LDLRAD4: variants seen among roughly 807,000 people sequenced by gnomAD.
The protein encoded by LDLRAD4 is low-density lipoprotein receptor class A domain-containing protein 4.
In LDLRAD4, 5 loss-of-function variants were observed where a neutral mutation model predicts 17.0. The ratio of observed to expected loss-of-function variants is 0.29; its 90% CI spans 0.15 to 0.62. The LOEUF (loss-of-function observed/expected upper bound fraction) is 0.62, where lower values mean the gene tolerates loss of function less well. LDLRAD4 is among the 20% of genes least tolerant of loss of function. The pLI is 0.84. For synonymous variants in LDLRAD4, 168 were observed against 171.8 expected, an observed-to-expected ratio of 0.98 and a Z score of 0.17; for missense variants, 340 against 424.7, an observed-to-expected ratio of 0.80 and a Z score of 1.75.
upstream of LDLRAD4, chr18:13,217,971 C>A (rs2041249070): frequency 1.3e-5 from 2 of 149,834 alleles, no homozygotes; most frequent in South Asian, 2.0e-4. The surrounding 1 kb of genome is among the most constrained non-coding windows in gnomAD (Gnocchi z 4.9). Flanking sequence ...CCGCGCTCCC[C>A]GCCGGCCCGC....
chr18:13,420,896 C>T (rs1279987819), intron 2 of LDLRAD4: 1 of 152,240 alleles, frequency 6.6e-6, no homozygotes, highest in Non-Finnish European at 1.5e-5. Context: ...CATCTCAGTG[C>T]ACAGGGAGCC....
exon 2 of LDLRAD4, chr18:13,387,526 CCG>C: frequency 1.9e-6 from 1 of 537,236 alleles, no homozygotes; most frequent in African/African-American, 2.0e-5. Context: ...GCAGGGACCG[CCG>C]CCGCCCAGGT....
rs112208622 is a variant in LDLRAD4, at chr18:13,621,561, C to T, written c.336+290C>T. ...GCTTTGCCAGCTTCTGAGCTGTGCA[C>T]GAACGGGACCGGCCCTGGGTGGTCC... On this transcript the variant is annotated intron_variant, in intron 4 of 5. Transcript: ENST00000359446. The surrounding 1 kb of genome is among the most constrained non-coding windows in gnomAD (Gnocchi z 5.5). Among the ~76,000 whole-genome samples the T allele has an allele frequency of 7.0e-3, 1,069 of 152,340 alleles. 6 individuals carry two copies. The highest frequency in any genetic ancestry group is 0.016 in the African/African-American group (651 of 41,574).
At chr18:13,627,035 C>T (rs901813090) in intron 4 of LDLRAD4, among the ~76,000 whole-genome samples, 1 of 152,116 alleles carries the variant, frequency 6.6e-6, no homozygotes, top group Non-Finnish European at 1.5e-5. Context: ...TTTGGGAGGC[C>T]GAGGTGGGCA....
At chr18:13,580,600 T>C (rs2094842634) in intron 3 of LDLRAD4, among the ~76,000 whole-genome samples, 2 of 152,156 alleles carry the variant, frequency 1.3e-5, no homozygotes, top group Admixed American at 6.5e-5. Flanking sequence ...GTGCAGGCGA[T>C]GGCACGGTGG....
chr18:13,233,401 G>T (rs1427445899), intron 1 of LDLRAD4, among the ~76,000 whole-genome samples: 1 of 152,166 alleles, frequency 6.6e-6, no homozygotes, highest in Non-Finnish European at 1.5e-5. Context: ...TAAGAGGCGG[G>T]ACAGCTGTGT....
In LDLRAD4 at chr18:13,246,597, G is replaced by A. The variant is rs2042967004; in HGVS notation, c.-467+27609G>A. ...GCCCCTAAGGGGTGGCTGGCCAGCT[G>A]TCATGGCTGCAGTCGGTATTGGAGT... On this transcript the variant is annotated intron_variant, in intron 1 of 5. Transcript: ENST00000399848. Among the ~76,000 whole-genome samples, 4 of 152,376 alleles carry A rather than the reference G, an allele frequency of 2.6e-5. No individual in the cohort carries two copies. In the South Asian group the frequency reaches 8.3e-4, roughly 32 times the overall value.
At position 13,311,589 on chromosome 18, in the gene LDLRAD4, G is replaced by C. The variant is rs866053767; in HGVS notation, c.-383+33401G>C. On this transcript the variant is annotated intron_variant, in intron 1 of 5. Coordinates refer to ENST00000359446, the Ensembl canonical transcript of LDLRAD4. The stretch of plus-strand genomic sequence containing the variant: ...TCGCCATGTTCTCAGGGGATATTTC[G>C]TAGAGGTCTTTAAATGCTAAAGCAT... Among the ~76,000 whole-genome samples, 4 of 152,290 alleles carry C rather than the reference G, an allele frequency of 2.6e-5. No individual in the cohort carries two copies. In the South Asian group the frequency reaches 8.3e-4, roughly 32 times the overall value.
intron 1 of LDLRAD4, among the ~76,000 whole-genome samples, chr18:13,259,125 G>A (rs2043665689): frequency 6.6e-6 from 1 of 152,212 alleles, no homozygotes; most frequent in East Asian, 1.9e-4. Context: ...GACTTCCTAA[G>A]TGAAAGGGGA....
intron 3 of LDLRAD4, chr18:13,612,214 G>C (rs2039637572): frequency 1.0e-5 from 10 of 989,696 alleles, no homozygotes; most frequent in Non-Finnish European, 1.2e-5. Context: ...AGTGTGACAA[G>C]ATGAGCCGTC....
At chr18:13,593,476 CT>C (rs2095053403) in intron 3 of LDLRAD4, among the ~76,000 whole-genome samples, 1 of 152,188 alleles carries the variant, frequency 6.6e-6, no homozygotes, top group Non-Finnish European at 1.5e-5. Flanking sequence ...CAGTCTGAAC[CT>C]AGGAGTGTTT....
chr18:13,256,070 T>A (rs925116584), intron 1 of LDLRAD4, among the ~76,000 whole-genome samples: 2 of 152,232 alleles, frequency 1.3e-5, no homozygotes, highest in African/African-American at 4.8e-5. Flanking sequence ...TGTCCAGAAA[T>A]CAAACTAAGT....
chr18:13,384,342 T>A (rs571010602), intron 1 of LDLRAD4, among the ~76,000 whole-genome samples: 1 of 152,370 alleles, frequency 6.6e-6, no homozygotes, highest in South Asian at 2.1e-4. Context: ...TTGGTATATG[T>A]ATGCATGGTA....
rs1016951385 is a variant in LDLRAD4 at position 13,354,006 on chromosome 18, T to G, written c.-382-33335T>G. Among the ~76,000 whole-genome samples, 6 of 152,350 alleles carry G rather than the reference T, an allele frequency of 3.9e-5. No homozygotes were observed. The South Asian group carries it at 1.2e-3, about 32-fold the overall frequency. ...CTGCTCCAGATAATATTCTTTTTTT[T>G]TCCTAGTTAATACAACAGTGATTTA... On this transcript the variant is annotated intron_variant, in intron 1 of 5. Coordinates refer to ENST00000359446, the Ensembl canonical transcript of LDLRAD4.
At chr18:13,444,277 G>A (rs1000420068) in intron 3 of LDLRAD4, among the ~76,000 whole-genome samples, 2 of 152,166 alleles carry the variant, frequency 1.3e-5, no homozygotes, top group Non-Finnish European at 2.9e-5. Flanking sequence ...CTCCCAGGTC[G>A]CATCTGGAAT....
chr18:13,529,698 C>G (rs951568763), intron 3 of LDLRAD4, among the ~76,000 whole-genome samples: 1 of 152,222 alleles, frequency 6.6e-6, no homozygotes, highest in African/African-American at 2.4e-5. Flanking sequence ...ACTTTTGGAT[C>G]AATAGCGATC....
At chr18:13,445,473 G>A (rs980407547) in intron 3 of LDLRAD4, among the ~76,000 whole-genome samples, 1 of 152,074 alleles carries the variant, frequency 6.6e-6, no homozygotes, top group African/African-American at 2.4e-5. Context: ...ATATGTCCAT[G>A]TGTGTGAGGG....
chr18:13,580,831 G>A (rs2094846184), intron 3 of LDLRAD4, among the ~76,000 whole-genome samples: 1 of 152,214 alleles, frequency 6.6e-6, no homozygotes, highest in African/African-American at 2.4e-5. Flanking sequence ...CAAGCCTCTG[G>A]CAAAGAGAAA....
intron 2 of LDLRAD4, among the ~76,000 whole-genome samples, chr18:13,404,097 G>C (rs1197740267): frequency 6.6e-6 from 1 of 152,210 alleles, no homozygotes; most frequent in South Asian, 2.1e-4. Context: ...CTCCCTCCAG[G>C]CATATTTAAT....
Sources: allele counts gnomAD v4.1 joint callset (sites outside exome capture counted in the v4.1 genomes callset), GRCh38; gene constraint gnomAD v4.1.1; non-coding constraint Gnocchi (gnomAD v3.1); transcripts MANE v1.5; gene names NCBI Gene and HGNC (gene_info 2026-07-23, HGNC 2026-07-21).